The following AGAP1 variants were observed in gnomAD, a reference collection of about 807,000 sequenced individuals.
AGAP1 encodes the protein ArfGAP with GTPase domain, ankyrin repeat and PH domain 1, also known as arf-GAP with GTPase, ANK repeat and PH domain-containing protein 1.
AGAP1 carries 29 observed loss-of-function variants against 105.3 expected under a neutral mutation model. The ratio of observed to expected loss-of-function variants is 0.28; its 90% CI spans 0.21 to 0.38. AGAP1 has a LOEUF of 0.38. Among genes scored for constraint, AGAP1 ranks in the 10% least tolerant of loss-of-function variants. The pLI, the probability that AGAP1 is intolerant of heterozygous loss-of-function variation, is 1.00. For missense variants in AGAP1, 998 were observed against 1,165.1 expected, an observed-to-expected ratio of 0.86 and a Z score of 2.09; for synonymous variants, 509 against 485.9, an observed-to-expected ratio of 1.05 and a Z score of -0.63.
intron 6 of AGAP1, chr2:235,773,845 G>GA (rs1457551482): frequency 2.3e-5 from 10 of 436,734 alleles, no homozygotes; most frequent in East Asian, 1.4e-4. Context: ...ACCAAAAAAA[G>GA]AAAAAAATCT....
rs889588410 is a variant in AGAP1, at chr2:235,716,595, A to G, written c.223-962A>G. On this transcript the variant is annotated intron_variant, in intron 2 of 17. Coordinates refer to ENST00000304032, the MANE Select transcript of AGAP1 (RefSeq NM_001037131.3). This position sits in a 1 kb window ranked among gnomAD's most constrained non-coding sequence, Gnocchi z 4.0. ...TGTGATGTTTTGGGCTTTTTAAGGAATCGATTAGATCATGCTTAAATTTGA... is the reference window on the plus strand; with the variant it reads ...TGTGATGTTTTGGGCTTTTTAAGGAGTCGATTAGATCATGCTTAAATTTGA... Among the ~76,000 whole-genome samples, 1 of 152,084 alleles carries G rather than the reference A, an allele frequency of 6.6e-6. No homozygotes were observed. Among genetic ancestry groups the G allele is most frequent in the Non-Finnish European group, 1.5e-5 (1 of 68,020 alleles).
chr2:235,538,427 ATGTG>A lies in AGAP1; in HGVS notation c.163+43609_163+43612del, dbSNP rs57515821. On this transcript the variant is annotated intron_variant, in intron 1 of 17. Transcript: ENST00000304032. ...CTCTGGAGGAAGAACCTCAGCCACT[ATGTG>A]TGTGTGTGTGTGTGTGTGTGTGTGT... Among the ~76,000 whole-genome samples, 616 of 135,406 alleles carry A rather than the reference ATGTG, an allele frequency of 4.5e-3. 2 individuals carry two copies. The highest frequency in any genetic ancestry group is 0.01 in the African/African-American group (358 of 35,766). 88.8% of individuals were successfully genotyped at this position (135,406 alleles called of 152,430 possible).
chr2:235,960,446 C>T lies in AGAP1; in HGVS notation c.1484-8016C>T, dbSNP rs1365210358. 1.3e-5 allele frequency among the ~76,000 whole-genome samples: 2 copies of T among 152,146 alleles called. No homozygotes were observed. Among genetic ancestry groups the T allele is most frequent in the African/African-American group, 4.8e-5 (2 of 41,428 alleles). ...TGGGCTTTCTCCCGGTGCAATGACA[C>T]CTTCATCTCCCTGTTGGTCCCATTC... On this transcript the variant is annotated intron_variant, in intron 12 of 17. Transcript: ENST00000304032. This position sits in a 1 kb window ranked among gnomAD's most constrained non-coding sequence, Gnocchi z 4.9.
At position 236,050,797 on chromosome 2, in the gene AGAP1, TTATC is replaced by T. The variant is rs1282001079; in HGVS notation, c.2114+1517_2114+1520del. 3.9e-5 allele frequency among the ~76,000 whole-genome samples: 6 copies of T among 152,202 alleles called. No individual in the cohort carries two copies. The highest frequency in any genetic ancestry group is 5.9e-5 in the Non-Finnish European group (4 of 68,036). On this transcript the variant is annotated intron_variant, in intron 16 of 17. Coordinates refer to ENST00000304032, the MANE Select transcript of AGAP1 (RefSeq NM_001037131.3). The surrounding 1 kb of genome is among the most constrained non-coding windows in gnomAD (Gnocchi z 4.0). ...ATCATGAATTATTAGAAAAGTTTGTTTATCCATCCATTAAAATTTAGAAACCATT... is the reference window on the plus strand; with the variant it reads ...ATCATGAATTATTAGAAAAGTTTGTTCATCCATTAAAATTTAGAAACCATT...
In AGAP1 at chr2:235,899,362, A is replaced by G. The variant is rs2050953941; in HGVS notation, c.1156-9376A>G. On this transcript the variant is annotated intron_variant, in intron 10 of 17. Coordinates refer to ENST00000304032, the MANE Select transcript of AGAP1 (RefSeq NM_001037131.3). ...ATGCCGTTTCTACTAAAAATACAAAAATTAGCCAGGCATGGTTGCAGGCGC... is the reference window on the plus strand; with the variant it reads ...ATGCCGTTTCTACTAAAAATACAAAGATTAGCCAGGCATGGTTGCAGGCGC... Among the ~76,000 whole-genome samples, 4 of 152,012 alleles carry G rather than the reference A, an allele frequency of 2.6e-5. No individual in the cohort carries two copies. In the South Asian group the frequency reaches 8.3e-4, roughly 32 times the overall value.
intron 16 of AGAP1, among the ~76,000 whole-genome samples, chr2:236,054,952 G>T (rs1390383477): frequency 6.6e-6 from 1 of 152,204 alleles, no homozygotes; most frequent in Non-Finnish European, 1.5e-5. Context: ...CACCCCTGTG[G>T]TCTCTCAAGT....
At chr2:235,580,493 T>C (rs572856199) in intron 1 of AGAP1, among the ~76,000 whole-genome samples, 1 of 152,194 alleles carries the variant, frequency 6.6e-6, no homozygotes, top group East Asian at 1.9e-4. Flanking sequence ...CGCTTTCTAC[T>C]CCACCATTCT....
chr2:235,529,588 A>G (rs1942975072), intron 1 of AGAP1, among the ~76,000 whole-genome samples: 1 of 152,190 alleles, frequency 6.6e-6, no homozygotes, highest in African/African-American at 2.4e-5. Flanking sequence ...CGCTCCCCAC[A>G]TCACAAAATC....
rs909927376 is a variant in AGAP1 at position 235,728,596 on chromosome 2, C to T, written c.310+10952C>T. ...GAGCTGCTGGTGCCTGCCCTGGGTC[C>T]GAAAGCTGGTGGTGGTCTGTTCTTG... On this transcript the variant is annotated intron_variant, in intron 3 of 17. Transcript: ENST00000304032. This position sits in a 1 kb window ranked among gnomAD's most constrained non-coding sequence, Gnocchi z 4.3. 1.4e-4 allele frequency among the ~76,000 whole-genome samples: 22 copies of T among 152,118 alleles called. No individual in the cohort carries two copies. The highest frequency in any genetic ancestry group is 4.6e-4 in the African/African-American group (19 of 41,502).
chr2:235,655,419 G>T lies in AGAP1; in HGVS notation c.164-53760G>T, dbSNP rs1947741059. 6.6e-6 allele frequency among the ~76,000 whole-genome samples: 1 copy of T among 152,186 alleles called. No individual in the cohort carries two copies. Among genetic ancestry groups the T allele is most frequent in the Non-Finnish European group, 1.5e-5 (1 of 68,038 alleles). On this transcript the variant is annotated intron_variant, in intron 1 of 17. Transcript: ENST00000304032. This position sits in a 1 kb window ranked among gnomAD's most constrained non-coding sequence, Gnocchi z 4.3. Reference sequence around the variant, plus strand: ...AATTTCAATGTTGGTCATGCCCAGGGATCTCCTTAAGTGTTGCAGAATCAC... The same window carrying T: ...AATTTCAATGTTGGTCATGCCCAGGTATCTCCTTAAGTGTTGCAGAATCAC...
Position 235,517,944 on chromosome 2 carries a change from A to AAAAAAAAG in AGAP1, c.163+23098_163+23099insAAAAGAAA, listed in dbSNP as rs542428316. 7.1e-6 allele frequency among the ~76,000 whole-genome samples: 1 copy of AAAAAAAAG among 141,726 alleles called. No homozygotes were observed. The highest frequency in any genetic ancestry group is 2.6e-5 in the African/African-American group (1 of 38,198). 93.0% of individuals were successfully genotyped at this position (141,726 alleles called of 152,430 possible). On this transcript the variant is annotated intron_variant, in intron 1 of 17. Coordinates refer to ENST00000304032, the MANE Select transcript of AGAP1 (RefSeq NM_001037131.3). The surrounding 1 kb of genome is among the most constrained non-coding windows in gnomAD (Gnocchi z 4.1). The stretch of plus-strand genomic sequence containing the variant: ...TGAGACTCCGTTTCAAAAAAAAAAA[A>AAAAAAAAG]AAAGAAAAAAAAAAGGTAGAACTCA...
chr2:235,894,204 A>G (rs554232035), intron 10 of AGAP1, among the ~76,000 whole-genome samples: 5 of 152,336 alleles, frequency 3.3e-5, no homozygotes, highest in South Asian at 4.1e-4. Flanking sequence ...ATGAACCGCA[A>G]CGGGTATTTC....
intron 9 of AGAP1, among the ~76,000 whole-genome samples, chr2:235,835,871 C>G (rs1002673454): frequency 6.6e-6 from 1 of 152,194 alleles, no homozygotes; most frequent in Admixed American, 6.5e-5. Context: ...TGGAGAGGCT[C>G]CGGCTGTCAC....
chr2:235,510,104 A>G (rs575815854), intron 1 of AGAP1, among the ~76,000 whole-genome samples: 4 of 152,244 alleles, frequency 2.6e-5, no homozygotes, highest in African/African-American at 7.2e-5. Flanking sequence ...CAGGGCTCCC[A>G]CTGATTCTAC....
intron 1 of AGAP1, among the ~76,000 whole-genome samples, chr2:235,539,547 TTC>T (rs1943364290): frequency 6.6e-6 from 1 of 152,224 alleles, no homozygotes. Context: ...TGGTATTTTT[TTC>T]TCTTTCACCT....
In AGAP1 at chr2:236,090,031, A is replaced by T. The variant is rs1257970797; in HGVS notation, c.2115-30161A>T. Among the ~76,000 whole-genome samples, 1 of 152,176 alleles carries T rather than the reference A, an allele frequency of 6.6e-6. No individual in the cohort carries two copies. Among genetic ancestry groups the T allele is most frequent in the African/African-American group, 2.4e-5 (1 of 41,454 alleles). On this transcript the variant is annotated intron_variant, in intron 16 of 17. Transcript: ENST00000304032. This position sits in a 1 kb window ranked among gnomAD's most constrained non-coding sequence, Gnocchi z 4.3. ...GGCTGCAAATGAATCCATCGGATAC[A>T]GAAGTTTTGAGGTGAGTGGAGTTGC... is the stretch of plus-strand genomic sequence containing the variant.
chr2:235,983,174 G>C lies in AGAP1; in HGVS notation c.1645+14551G>C, dbSNP rs1010601293. 6.6e-6 allele frequency among the ~76,000 whole-genome samples: 1 copy of C among 152,132 alleles called. No individual in the cohort carries two copies. Reference sequence around the variant, plus strand: ...GTGGACGACCCCAGAGAAGGGACAGGATGGGGGGTTATGGAAGTGCCCAGC... The same window carrying C: ...GTGGACGACCCCAGAGAAGGGACAGCATGGGGGGTTATGGAAGTGCCCAGC... On this transcript the variant is annotated intron_variant, in intron 13 of 17. Transcript: ENST00000304032. The surrounding 1 kb of genome is among the most constrained non-coding windows in gnomAD (Gnocchi z 4.5).
At position 235,791,564 on chromosome 2, in the gene AGAP1, C is replaced by T. The variant is rs189718650; in HGVS notation, c.674-6195C>T. ...ATTTGATTTGATTTTTTTTTTGAGA[C>T]GGATTCTTGCTCTTTGGCCAGACTG... On this transcript the variant is annotated intron_variant, in intron 6 of 17. Transcript: ENST00000304032. Among the ~76,000 whole-genome samples, 18 of 151,632 alleles carry T rather than the reference C, an allele frequency of 1.2e-4. No homozygotes were observed. The South Asian group carries it at 1.9e-3, about 16-fold the overall frequency.
rs1415863700 is a variant in AGAP1 at position 236,056,054 on chromosome 2, G to T, written c.2114+6773G>T. On this transcript the variant is annotated intron_variant, in intron 16 of 17. Coordinates refer to ENST00000304032, the MANE Select transcript of AGAP1 (RefSeq NM_001037131.3). This position sits in a 1 kb window ranked among gnomAD's most constrained non-coding sequence, Gnocchi z 4.6. ...GACAACAGATAGAGCAATGCATCTA[G>T]TGAACCTCCACCAGGGAGCTTGGTG... Among the ~76,000 whole-genome samples, 1 of 152,192 alleles carries T rather than the reference G, an allele frequency of 6.6e-6. No individual in the cohort carries two copies.
Sources: allele counts gnomAD v4.1 joint callset (sites outside exome capture counted in the v4.1 genomes callset), GRCh38; gene constraint gnomAD v4.1.1; non-coding constraint Gnocchi (gnomAD v3.1); transcripts MANE v1.5; gene names NCBI Gene and HGNC (gene_info 2026-07-23, HGNC 2026-07-21).